Variants in ADCY6 observed in about 807,000 individuals in gnomAD.
The protein encoded by ADCY6 is adenylate cyclase type 6.
Under a neutral mutation model 111.6 loss-of-function variants are expected in ADCY6, and 59 were observed. That is an observed-to-expected ratio of 0.53 (90% CI 0.43 to 0.66). The LOEUF (loss-of-function observed/expected upper bound fraction) is 0.66, where lower values mean the gene tolerates loss of function less well. ADCY6 is among the 30% of genes least tolerant of loss of function. The pLI, the probability that ADCY6 is intolerant of heterozygous loss-of-function variation, is 0.00. For synonymous variants in ADCY6, 576 were observed against 642.9 expected, an observed-to-expected ratio of 0.90 and a Z score of 1.57; for missense variants, 1,242 against 1,595.6, an observed-to-expected ratio of 0.78 and a Z score of 3.78.
chr12:48,773,522 A>C lies in ADCY6; in HGVS notation c.2568T>G (p.Gly856=), dbSNP rs1941606817. 6.2e-7 allele frequency: 1 copy of C among 1,613,932 alleles called. No homozygotes were observed. The highest frequency in any genetic ancestry group is 1.1e-5 in the South Asian group (1 of 91,086). Residue 856 remains glycine (G), a synonymous_variant, in exon 16 of 22, where the codon GGT becomes GGG. Transcript: ENST00000357869. ...GLIYLVLLLL[G]PPATIFDNYD... ...AGTTGTCAAAGATGGTGGCTGGGGG[A>C]CCCAGCAGAAGCAGCACCAAATAGA...
In ADCY6 at chr12:48,776,127, G is replaced by T. The variant is rs1412726223; in HGVS notation, c.1678-36C>A. 1.2e-6 allele frequency: 2 copies of T among 1,613,848 alleles called. No individual in the cohort carries two copies. Among genetic ancestry groups the T allele is most frequent in the South Asian group, 1.1e-5 (1 of 91,068 alleles). On this transcript the variant is annotated intron_variant, in intron 8 of 21. Transcript: ENST00000357869. The surrounding 1 kb of genome is among the most constrained non-coding windows in gnomAD (Gnocchi z 6.1). ...AGCATGGGTACAGGCTCAGAAGAGG[G>T]GCCCAGAGGAGGCCTTGGCCTGCTC...
rs1013061831 is a variant in ADCY6 at position 48,777,410 on chromosome 12, C to T, written c.1248G>A (p.Ala416=). 4.3e-6 allele frequency: 7 copies of T among 1,613,482 alleles called. No individual in the cohort carries two copies. The highest frequency in any genetic ancestry group is 1.1e-5 in the South Asian group (1 of 91,078). ...ELFARFDKLA[A]ENHCLRIKIL... is the part of the protein sequence containing the mutation. Reference sequence around the variant, plus strand: ...CAATCCCAAGGCCCAGCACCCTCACCGCAGCCAGCTTGTCAAACCGGGCAA... The same window carrying T: ...CAATCCCAAGGCCCAGCACCCTCACTGCAGCCAGCTTGTCAAACCGGGCAA... Residue 416 remains alanine (A), a splice_region_variant and synonymous_variant, in exon 5 of 22, where the codon GCG becomes GCA. Coordinates refer to ENST00000357869, the MANE Select transcript of ADCY6 (RefSeq NM_015270.5). The surrounding 1 kb of genome is among the most constrained non-coding windows in gnomAD (Gnocchi z 4.9).
chr12:48,775,551 C>G, intron 10 of ADCY6, 101 bp from the exon 11 acceptor site: 2 of 1,583,532 alleles, frequency 1.3e-6, no homozygotes, highest in Non-Finnish European at 1.7e-6. Flanking sequence ...GGAGGGAGAG[C>G]CAGGGGGGTG....
intron 14 of ADCY6, 106 bp from the exon 15 acceptor site, chr12:48,774,204 C>A (rs1014294528): frequency 8.6e-7 from 1 of 1,161,186 alleles, no homozygotes; most frequent in Non-Finnish European, 1.2e-6. Context: ...GTACCTTATA[C>A]CCCATGGGCC....
chr12:48,768,863 AGCAGACT>A, intron 21 of ADCY6, 67 bp downstream of exon 21: 1 of 1,555,986 alleles, frequency 6.4e-7, no homozygotes, highest in South Asian at 1.2e-5. Flanking sequence ...CCCCTGTCCT[AGCAGACT>A]GCAGAGACAC....
intron 20 of ADCY6, among the ~76,000 whole-genome samples, chr12:48,769,775 T>TG (rs1170512676): frequency 6.8e-5 from 10 of 147,840 alleles, no homozygotes; most frequent in African/African-American, 1.8e-4. Flanking sequence ...TTTTTTTTTT[T>TG]GGGGGGGACA....
intron 14 of ADCY6, 143 bp from the exon 15 acceptor site, chr12:48,774,241 G>C (rs750755202): frequency 1.4e-5 from 15 of 1,071,820 alleles, no homozygotes; most frequent in Non-Finnish European, 1.5e-5. Flanking sequence ...GATGACAAGA[G>C]GTTGGGAGAA....
In ADCY6 at chr12:48,768,400, G is replaced by T; in HGVS notation, c.*191C>A. 1.3e-6 allele frequency: 1 copy of T among 747,302 alleles called. No individual in the cohort carries two copies. Among genetic ancestry groups the T allele is most frequent in the African/African-American group, 1.8e-5 (1 of 56,872 alleles). The allele number at this position is 747,302 out of a possible 1,614,324, so 46.3% of individuals were successfully genotyped here. A position where few individuals can be genotyped will look rare whatever the true frequency, so the allele number is the denominator to read the frequency against. Reference sequence around the variant, plus strand: ...AGAAAGTCACTTGCATAATCCTCTCGGTAGGTAGCCCCTTGTTTTCCAGCT... The same window carrying T: ...AGAAAGTCACTTGCATAATCCTCTCTGTAGGTAGCCCCTTGTTTTCCAGCT... On this transcript the variant is annotated 3_prime_UTR_variant, in exon 22 of 22. Transcript: ENST00000357869.
Position 48,783,057 on chromosome 12 carries a change from G to C in ADCY6, c.378C>G (p.Phe126Leu). The change falls in exon 2 of 22, where the codon TTC (phenylalanine) becomes TTG (leucine). Residue 126 changes from phenylalanine (F) to leucine (L), a missense_variant. This residue lies in a region of ADCY6 where 362 missense variants were observed against 377.2 expected (regional missense o/e 0.96). Coordinates refer to ENST00000357869, the MANE Select transcript of ADCY6 (RefSeq NM_015270.5). ...TGGCCGAACGGAACTGCTTCGACTGGAACACCTGCACCAGACGGCGCCAGC... is the reference window on the plus strand; with the variant it reads ...TGGCCGAACGGAACTGCTTCGACTGCAACACCTGCACCAGACGGCGCCAGC... ...RSCWRRLVQV[F>L]QSKQFRSAKL... 1 of 1,613,294 alleles carries C rather than the reference G, an allele frequency of 6.2e-7. No individual in the cohort carries two copies. Among genetic ancestry groups the C allele is most frequent in the Non-Finnish European group, 8.5e-7 (1 of 1,179,826 alleles).
intron 18 of ADCY6, 28 bp from the exon 19 acceptor site, chr12:48,772,001 G>A (rs1289822941): frequency 1.3e-6 from 2 of 1,586,960 alleles, no homozygotes; most frequent in East Asian, 2.2e-5. Context: ...ATCACCCATT[G>A]CCCGACATTC....
chr12:48,783,653 T>A lies in ADCY6; in HGVS notation c.-4-215A>T, dbSNP rs187149192. On this transcript the variant is annotated intron_variant, in intron 1 of 21. Coordinates refer to ENST00000357869, the MANE Select transcript of ADCY6 (RefSeq NM_015270.5). ...CCAAGACACAGTCAGGACAAGAAAC[T>A]TGCCCAAAACCAGGCACAGTGGCTT... 5.9e-4 allele frequency: 718 copies of A among 1,211,780 alleles called. 1 individual carries two copies. The African/African-American group carries it at 1.0e-2, about 17-fold the overall frequency. 75.1% of individuals were successfully genotyped at this position (1,211,780 alleles called of 1,614,324 possible).
Position 48,771,055 on chromosome 12 carries a change from G to T in ADCY6, c.3052-85C>A. The T allele has an allele frequency of 7.3e-7, 1 of 1,367,226 alleles. No individual in the cohort carries two copies. The highest frequency in any genetic ancestry group is 1.0e-6 in the Non-Finnish European group (1 of 990,108). 84.7% of individuals were successfully genotyped at this position (1,367,226 alleles called of 1,614,324 possible). ...AACACTCATTTCTTGCCACGCCTTG[G>T]CTGCCTTCCCCACTTCCCTGTCTCA... is the stretch of plus-strand genomic sequence containing the variant. On this transcript the variant is annotated intron_variant, in intron 19 of 21. Coordinates refer to ENST00000357869, the MANE Select transcript of ADCY6 (RefSeq NM_015270.5). The surrounding 1 kb of genome is among the most constrained non-coding windows in gnomAD (Gnocchi z 4.3).
chr12:48,769,205 C>A (rs1012684213), intron 20 of ADCY6, 144 bp from the exon 21 acceptor site: 199 of 853,724 alleles, frequency 2.3e-4, no homozygotes, highest in Non-Finnish European at 3.1e-4. Flanking sequence ...CAATCTAGTT[C>A]AAGACGAGCC....
chr12:48,781,989 C>A (rs1277657559), intron 2 of ADCY6, among the ~76,000 whole-genome samples: 1 of 152,214 alleles, frequency 6.6e-6, no homozygotes, highest in Admixed American at 6.5e-5. Flanking sequence ...CCAGAGAGAA[C>A]TGACCCCAGC....
Position 48,771,540 on chromosome 12 carries a change from T to C in ADCY6, c.3051+170A>G. The C allele has an allele frequency of 9.0e-7, 1 of 1,114,728 alleles. No individual in the cohort carries two copies. The highest frequency in any genetic ancestry group is 1.3e-6 in the Non-Finnish European group (1 of 755,622). 69.1% of individuals were successfully genotyped at this position (1,114,728 alleles called of 1,614,324 possible). On this transcript the variant is annotated intron_variant, in intron 19 of 21. Transcript: ENST00000357869. This position sits in a 1 kb window ranked among gnomAD's most constrained non-coding sequence, Gnocchi z 4.3. Reference sequence around the variant, plus strand: ...CTAGGGCTGACCCCCTTGCTGCCTCTGACACCTTCATGGGTTCTTGCCTCT... The same window carrying C: ...CTAGGGCTGACCCCCTTGCTGCCTCCGACACCTTCATGGGTTCTTGCCTCT...
At position 48,773,487 on chromosome 12, in the gene ADCY6, A is replaced by C. The variant is rs1176026595; in HGVS notation, c.2603T>G (p.Leu868Arg). Residue 868 changes from leucine (L) to arginine (R), a missense_variant, in exon 16 of 22, where the codon CTG (leucine) becomes CGG (arginine). Leu to Arg is a moderately radical substitution (Grantham distance 102, BLOSUM62 -2). Transcript: ENST00000357869. ...PATIFDNYDL[L>R]LGVHGLASSN... is the part of the protein sequence containing the mutation. ...AACTCACAAGCCATGGACGCCAAGC[A>C]GTAGGTCATAGTTGTCAAAGATGGT... is the stretch of plus-strand genomic sequence containing the variant. 6.2e-7 allele frequency: 1 copy of C among 1,613,988 alleles called. No individual in the cohort carries two copies. The highest frequency in any genetic ancestry group is 2.2e-5 in the East Asian group (1 of 44,876).
Position 48,776,642 on chromosome 12 carries a change from C to A in ADCY6, c.1377-56G>T. On this transcript the variant is annotated intron_variant, in intron 6 of 21. Transcript: ENST00000357869. This position sits in a 1 kb window ranked among gnomAD's most constrained non-coding sequence, Gnocchi z 6.1. ...GGCAGTCTTCCCCTCCCCCAGCCCACAACCCAGGCCCTTCACTCCTCTCAG... is the reference window on the plus strand; with the variant it reads ...GGCAGTCTTCCCCTCCCCCAGCCCAAAACCCAGGCCCTTCACTCCTCTCAG... 1.9e-6 allele frequency: 3 copies of A among 1,556,848 alleles called. No individual in the cohort carries two copies. The South Asian group carries it at 3.6e-5, about 19-fold the overall frequency.
chr12:48,768,353 A>C lies in ADCY6; in HGVS notation c.*238T>G. ...CAAAGGCTGGAAGATTGGAGAGGGA[A>C]CAGCCCTACCCCAAGTAAGAAAGAA... is the stretch of plus-strand genomic sequence containing the variant. On this transcript the variant is annotated 3_prime_UTR_variant, in exon 22 of 22. Coordinates refer to ENST00000357869, the MANE Select transcript of ADCY6 (RefSeq NM_015270.5). 2 of 574,768 alleles carry C rather than the reference A, an allele frequency of 3.5e-6. No homozygotes were observed. The allele number at this position is 574,768 out of a possible 1,614,324, so 35.6% of individuals were successfully genotyped here. A position where few individuals can be genotyped will look rare whatever the true frequency, so the allele number is the denominator to read the frequency against.
Position 48,782,997 on chromosome 12 carries a change from C to G in ADCY6, c.438G>C (p.Gln146His). Reference protein sequence around the residue: ...LERLYQRYFFQMNQSSLTLLM... With the variant: ...LERLYQRYFFHMNQSSLTLLM... ...GCAGCGTCAGGCTGCTCTGGTTCAT[C>G]TGGAAGAAGTACCGCTGGTACAGGC... is the stretch of plus-strand genomic sequence containing the variant. Residue 146 changes from glutamine (Q) to histidine (H), a missense_variant, in exon 2 of 22, where the codon CAG (glutamine) becomes CAC (histidine). Physicochemically the swap from Gln to His is conservative, Grantham distance 24 (BLOSUM62 0). Coordinates refer to ENST00000357869, the MANE Select transcript of ADCY6 (RefSeq NM_015270.5). The surrounding 1 kb of genome is among the most constrained non-coding windows in gnomAD (Gnocchi z 4.3). 6.2e-7 allele frequency: 1 copy of G among 1,613,782 alleles called. No homozygotes were observed. The highest frequency in any genetic ancestry group is 8.5e-7 in the Non-Finnish European group (1 of 1,179,932).
Sources: gnomAD v4.1 joint callset for allele counts (sites outside exome capture counted in the v4.1 genomes callset) on GRCh38, gnomAD v4.1.1 for gene constraint, gnomAD v4.1.1 regional missense constraint, Gnocchi (gnomAD v3.1) non-coding constraint, MANE v1.5 for transcripts, NCBI Gene and HGNC (gene_info 2026-07-23, HGNC 2026-07-21) for gene names.